The following COL2A1 variants were observed in gnomAD, a reference collection of about 807,000 sequenced individuals.
The protein encoded by COL2A1 is collagen type II alpha 1 chain.
A neutral mutation model predicts 204.5 loss-of-function variants in COL2A1; 28 were observed. The ratio of observed to expected loss-of-function variants is 0.14; its 90% confidence interval spans 0.10 to 0.19. COL2A1 has a LOEUF of 0.19. Ranked by LOEUF, COL2A1 falls within the 10% of genes least tolerant of loss-of-function variation. The probability of loss-of-function intolerance (pLI) is 1.00; values close to 1 mark genes in which losing one functional copy is unlikely to be tolerated. For synonymous variants in COL2A1, 708 were observed against 718.7 expected, an observed-to-expected ratio of 0.99 and a Z score of 0.24; for missense variants, 1,388 against 2,027.5, an observed-to-expected ratio of 0.68 and a Z score of 6.06.
intron 17 of COL2A1, 43 bp downstream of exon 17, chr12:47,989,718 A>C: frequency 6.3e-7 from 1 of 1,591,464 alleles, no homozygotes; most frequent in Non-Finnish European, 8.6e-7. Flanking sequence ...AACGGGACTT[A>C]AAGCACAGCA....
At position 47,978,793 on chromosome 12, in the gene COL2A1, C is replaced by T. The variant is rs1333566038; in HGVS notation, c.2734-35G>A. 1.2e-5 allele frequency: 19 copies of T among 1,605,236 alleles called. No homozygotes were observed. The highest frequency in any genetic ancestry group is 2.2e-5 in the East Asian group (1 of 44,824). ...GAAAATGCGGGAAGTGAGGACTCAT[C>T]TCACCCTTCCTCATCCAGGCTGCCA... On this transcript the variant is annotated intron_variant, in intron 41 of 53. Transcript: ENST00000380518. The surrounding 1 kb of genome is among the most constrained non-coding windows in gnomAD (Gnocchi z 5.5).
rs531848305 is a variant in COL2A1, at chr12:47,998,797, C to T, written c.293-366G>A. 7 of 244,104 alleles carry T rather than the reference C, an allele frequency of 2.9e-5. No individual in the cohort carries two copies. The South Asian group carries it at 5.0e-4, about 17-fold the overall frequency. The allele number at this position is 244,104 out of a possible 1,614,324, so 15.1% of individuals were successfully genotyped here. The stretch of plus-strand genomic sequence containing the variant: ...CCCCCACAGGGTAGGGAGCCGTTCC[C>T]GAACCCCAAGCCCTCCCAGAGGAAG... On this transcript the variant is annotated intron_variant, in intron 2 of 53. Coordinates refer to ENST00000380518, the MANE Select transcript of COL2A1 (RefSeq NM_001844.5).
rs778697266 is a variant in COL2A1 at position 47,986,913 on chromosome 12, C to T, written c.1366-25G>A. 19 of 1,614,020 alleles carry T rather than the reference C, an allele frequency of 1.2e-5. No individual in the cohort carries two copies. In the East Asian group the frequency reaches 1.8e-4, roughly 15 times the overall value. ...CCTTGAAAAGAGAGGCAGGTCCTCA[C>T]ACCAGATTCTCTCCAGGGAGCCTGC... is the stretch of plus-strand genomic sequence containing the variant. On this transcript the variant is annotated intron_variant, in intron 21 of 53. Transcript: ENST00000380518.
At chr12:48,001,220 C>T (rs1194418382) in intron 1 of COL2A1, 1 of 151,642 alleles carries the variant, frequency 6.6e-6, no homozygotes, top group Non-Finnish European at 1.5e-5. Context: ...ATAGCAGCAG[C>T]AGGGGATGAA....
intron 47 of COL2A1, 52 bp downstream of exon 47, chr12:47,977,050 C>T (rs1938747421): frequency 3.8e-6 from 6 of 1,572,426 alleles, no homozygotes; most frequent in Non-Finnish European, 5.2e-6. Context: ...GGCTGGCTGC[C>T]CTCCCAGCCT....
At position 47,977,420 on chromosome 12, in the gene COL2A1, C is replaced by G; in HGVS notation, c.3173G>C (p.Arg1058Pro). The stretch of plus-strand genomic sequence containing the variant: ...AGCTCCCACAGCACCAGTCTCACCA[C>G]GATCACCCTGTCAGGAGAGAGGTCT... Reference protein sequence around the residue: ...RDGAAGVKGDRGETGAVGAPG... With the variant: ...RDGAAGVKGDPGETGAVGAPG... Residue 1058 changes from arginine (R) to proline (P), a missense_variant, in exon 46 of 54, where the codon CGT becomes CCT. Coordinates refer to ENST00000380518, the MANE Select transcript of COL2A1 (RefSeq NM_001844.5). The G allele has an allele frequency of 6.2e-7, 1 of 1,612,620 alleles. No homozygotes were observed. The highest frequency in any genetic ancestry group is 8.5e-7 in the Non-Finnish European group (1 of 1,179,104).
chr12:47,977,558 G>C, intron 45 of COL2A1, 42 bp downstream of exon 45: 1 of 1,612,776 alleles, frequency 6.2e-7, no homozygotes, highest in Non-Finnish European at 8.5e-7. Flanking sequence ...CCGAGGCAAT[G>C]TCCTCCCCAA....
chr12:47,974,020 G>T, intron 53 of COL2A1, 69 bp downstream of exon 53: 1 of 1,612,490 alleles, frequency 6.2e-7, no homozygotes, highest in African/African-American at 1.3e-5. Context: ...AGCTGCCGCG[G>T]GCCAACCCTC....
upstream of COL2A1, chr12:48,005,620 T>C (rs1859444): frequency 0.77 from 117,307 of 152,246 alleles, 45,662 homozygotes; most frequent in Middle Eastern, 0.86. Flanking sequence ...ACTGCCTTCT[T>C]CCCAGGGCTT....
rs1490980314 is a variant in COL2A1, at chr12:47,978,002, C to G, written c.3111+8G>C. On this transcript the variant is annotated splice_region_variant and intron_variant, in intron 44 of 53. Coordinates refer to ENST00000380518, the MANE Select transcript of COL2A1 (RefSeq NM_001844.5). This position sits in a 1 kb window ranked among gnomAD's most constrained non-coding sequence, Gnocchi z 5.5. ...ATCAGGGCCACCCCAGGGGGTCTCA[C>G]TGCTCACCTCTCGTCCAGGTTCACC... is the stretch of plus-strand genomic sequence containing the variant. The G allele has an allele frequency of 6.2e-7, 1 of 1,612,678 alleles. No homozygotes were observed. Among genetic ancestry groups the G allele is most frequent in the Non-Finnish European group, 8.5e-7 (1 of 1,179,484 alleles).
At chr12:47,981,466 C>T in intron 36 of COL2A1, 70 bp from the exon 37 acceptor site, 3 of 1,397,424 alleles carry the variant, frequency 2.1e-6, no homozygotes, top group Non-Finnish European at 3.0e-6. Flanking sequence ...GGGCAAAGTG[C>T]ATTTGGGGGG....
At position 48,004,227 on chromosome 12, in the gene COL2A1, G is replaced by A. The variant is rs769941617; in HGVS notation, c.85+10C>T. On this transcript the variant is annotated intron_variant, in intron 1 of 53. Transcript: ENST00000380518. ...AGCAGGCAGGCAGGCAGGGGCGGGG[G>A]AAGACTTACGGACATCCTGGCCCTG... The A allele has an allele frequency of 1.9e-6, 3 of 1,541,108 alleles. No homozygotes were observed. Among genetic ancestry groups the A allele is most frequent in the Non-Finnish European group, 2.6e-6 (3 of 1,138,086 alleles).
intron 37 of COL2A1, 89 bp from the exon 38 acceptor site, chr12:47,981,057 G>T: frequency 7.6e-7 from 1 of 1,321,438 alleles, no homozygotes; most frequent in Non-Finnish European, 1.0e-6. Context: ...GCCCTGCCCA[G>T]CCTCCTGTTC....
At chr12:48,003,314 TACAC>T (rs148302257) in intron 1 of COL2A1, among the ~76,000 whole-genome samples, 1 of 150,192 alleles carries the variant, frequency 6.7e-6, no homozygotes, top group African/African-American at 2.4e-5. Context: ...GACACACACA[TACAC>T]ACACACACAC....
intron 53 of COL2A1, 115 bp downstream of exon 53, chr12:47,973,974 C>T: frequency 1.4e-6 from 2 of 1,477,266 alleles, no homozygotes; most frequent in South Asian, 2.3e-5. Flanking sequence ...CCCTCAAACT[C>T]ATGCCTCTGA....
intron 16 of COL2A1, 95 bp from the exon 17 acceptor site, chr12:47,989,900 T>C: frequency 1.6e-6 from 2 of 1,213,690 alleles, no homozygotes; most frequent in Non-Finnish European, 2.4e-6. Flanking sequence ...GGACACACTG[T>C]GCCTGGGGTG....
In COL2A1 at chr12:47,974,125, G is replaced by C; in HGVS notation, c.4281C>G (p.Ser1427Arg). The change falls in exon 53 of 54, where the codon AGC becomes AGG. Residue 1427 changes from serine (S) to arginine (R), a missense_variant. By Grantham distance (110) the Ser-to-Arg change is moderately radical (BLOSUM62 -1). This residue lies in a region of COL2A1 where 303 missense variants were observed against 369.2 expected (regional missense o/e 0.82). Transcript: ENST00000380518. ...NDVEIRAEGN[S>R]RFTYTALKDG... The stretch of plus-strand genomic sequence containing the variant: ...CCTTCAGGGCAGTGTACGTGAACCT[G>C]CTATTGCCCTCTGCCCGGATCTCCA... 6.2e-7 allele frequency: 1 copy of C among 1,614,002 alleles called. No individual in the cohort carries two copies. Among genetic ancestry groups the C allele is most frequent in the Non-Finnish European group, 8.5e-7 (1 of 1,179,994 alleles).
chr12:47,984,516 A>G, intron 28 of COL2A1, 30 bp downstream of exon 28: 1 of 1,613,194 alleles, frequency 6.2e-7, no homozygotes, highest in South Asian at 1.1e-5. Flanking sequence ...GGCCAACACC[A>G]AGTCATGGGC....
intron 33 of COL2A1, 100 bp downstream of exon 33, chr12:47,982,748 A>G: frequency 1.5e-6 from 2 of 1,313,384 alleles, no homozygotes; most frequent in South Asian, 1.2e-5. Context: ...AGCTCCCCCC[A>G]CTTCTGTTCT....
Sources: gnomAD v4.1 joint callset for allele counts (sites outside exome capture counted in the v4.1 genomes callset) on GRCh38, gnomAD v4.1.1 for gene constraint, gnomAD v4.1.1 regional missense constraint, Gnocchi (gnomAD v3.1) non-coding constraint, MANE v1.5 for transcripts, NCBI Gene and HGNC (gene_info 2026-07-23, HGNC 2026-07-21) for gene names.